ARHGAP15: variants seen among roughly 807,000 people sequenced by gnomAD.
ARHGAP15 encodes Rho GTPase activating protein 15, also known as rho GTPase-activating protein 15.
A neutral mutation model predicts 63.7 loss-of-function variants in ARHGAP15; 51 were observed. The observed-to-expected ratio is 0.80, with a 90% CI of 0.64 to 1.01. The LOEUF (loss-of-function observed/expected upper bound fraction) is 1.01. Ranked by LOEUF, ARHGAP15 falls within the 50% of genes least tolerant of loss-of-function variation. ARHGAP15 has a pLI of 0.00. For synonymous variants in ARHGAP15, 191 were observed against 193.8 expected, an observed-to-expected ratio of 0.99 and a Z score of 0.12; for missense variants, 560 against 564.6, an observed-to-expected ratio of 0.99 and a Z score of 0.08.
intron 9 of ARHGAP15, among the ~76,000 whole-genome samples, chr2:143,512,447 G>C (rs1239591661): frequency 2.0e-5 from 3 of 152,200 alleles, no homozygotes; most frequent in African/African-American, 7.2e-5. Context: ...GGGAATCTCA[G>C]GGTGTTCTTG....
intron 9 of ARHGAP15, 31 bp downstream of exon 9, chr2:143,487,526 T>A: frequency 6.3e-7 from 1 of 1,595,386 alleles, no homozygotes; most frequent in Non-Finnish European, 8.5e-7. Flanking sequence ...GTACTATAAC[T>A]GTGATAAATG....
At chr2:143,720,318 T>C (rs1205044405) in intron 13 of ARHGAP15, among the ~76,000 whole-genome samples, 1 of 152,062 alleles carries the variant, frequency 6.6e-6, no homozygotes, top group Non-Finnish European at 1.5e-5. Context: ...CTGAATGTAA[T>C]TACACAGATT....
chr2:143,545,527 CTT>C, intron 10 of ARHGAP15, among the ~76,000 whole-genome samples: 1 of 151,196 alleles, frequency 6.6e-6, no homozygotes, highest in African/African-American at 2.4e-5. Flanking sequence ...AGTTGCTACT[CTT>C]GTTAAATAAA....
intron 11 of ARHGAP15, among the ~76,000 whole-genome samples, chr2:143,578,587 T>A (rs138860925): frequency 1.3e-5 from 2 of 152,142 alleles, no homozygotes; most frequent in Admixed American, 6.6e-5. Context: ...GGGTAGTTTT[T>A]TGGTTGATAA....
intron 6 of ARHGAP15, among the ~76,000 whole-genome samples, chr2:143,346,885 T>C (rs545162916): frequency 6.3e-4 from 96 of 152,266 alleles, no homozygotes; most frequent in African/African-American, 2.3e-3. Context: ...AAATGATGTA[T>C]GTTTCTTACA....
chr2:143,216,230 G>T (rs1692750876), intron 3 of ARHGAP15, among the ~76,000 whole-genome samples, 154 bp from the exon 4 acceptor site: 1 of 152,116 alleles, frequency 6.6e-6, no homozygotes, highest in Admixed American at 6.6e-5. Flanking sequence ...CTATGATTTT[G>T]CAGGCACTTC....
At chr2:143,542,814 GAT>G (rs1184146919) in intron 10 of ARHGAP15, among the ~76,000 whole-genome samples, 17 of 112,624 alleles carry the variant, frequency 1.5e-4, no homozygotes, top group African/African-American at 4.9e-4. Flanking sequence ...GTATATATAT[GAT>G]ATATATAATA....
chr2:143,490,725 A>G (rs893233042), intron 9 of ARHGAP15, among the ~76,000 whole-genome samples: 12 of 151,970 alleles, frequency 7.9e-5, no homozygotes, highest in African/African-American at 2.7e-4. Flanking sequence ...GGTTCTAGTG[A>G]TTCTCATGCT....
intron 8 of ARHGAP15, among the ~76,000 whole-genome samples, chr2:143,439,265 A>T (rs1689755346): frequency 6.6e-6 from 1 of 151,700 alleles, no homozygotes; most frequent in South Asian, 2.1e-4. Flanking sequence ...TCTACTAAAA[A>T]TACAAAAATT....
At chr2:143,606,060 A>AAAAAAC (rs1698009715) in intron 11 of ARHGAP15, among the ~76,000 whole-genome samples, 1 of 84,636 alleles carries the variant, frequency 1.2e-5, no homozygotes, top group Non-Finnish European at 2.7e-5. Flanking sequence ...AAAAAAAAAA[A>AAAAAAC]AAAAAAAAAA....
chr2:143,702,833 T>G (rs1214973250), intron 12 of ARHGAP15, among the ~76,000 whole-genome samples: 3 of 152,180 alleles, frequency 2.0e-5, no homozygotes, highest in African/African-American at 7.2e-5. Flanking sequence ...CTGACTCTCA[T>G]TCTCCTGTTT....
chr2:143,449,587 T>C (rs1690303843), intron 8 of ARHGAP15, among the ~76,000 whole-genome samples: 2 of 152,076 alleles, frequency 1.3e-5, no homozygotes, highest in African/African-American at 4.8e-5. Context: ...GTTTATTTGC[T>C]GCACCTGCCA....
intron 13 of ARHGAP15, among the ~76,000 whole-genome samples, chr2:143,764,716 C>G (rs992526395): frequency 8.5e-5 from 13 of 152,108 alleles, no homozygotes; most frequent in Non-Finnish European, 1.5e-4. Context: ...TTAGCCTCAC[C>G]TTTGTGGGTC....
At chr2:143,278,200 C>T (rs1574200447) in intron 6 of ARHGAP15, among the ~76,000 whole-genome samples, 1 of 152,154 alleles carries the variant, frequency 6.6e-6, no homozygotes, top group African/African-American at 2.4e-5. Context: ...TTCTCTCACT[C>T]ACGGCTGCAT....
chr2:143,209,062 T>G (rs1416323731), intron 3 of ARHGAP15, among the ~76,000 whole-genome samples: 1 of 152,096 alleles, frequency 6.6e-6, no homozygotes, highest in Non-Finnish European at 1.5e-5. Flanking sequence ...TTAATAGTAG[T>G]GAGGGCTTTG....
chr2:143,535,983 A>G (rs1279297638), intron 10 of ARHGAP15, among the ~76,000 whole-genome samples: 8 of 152,232 alleles, frequency 5.3e-5, no homozygotes, highest in African/African-American at 1.7e-4. Flanking sequence ...GTTTTAAAGT[A>G]TATAGATATT....
chr2:143,500,553 T>G (rs1693011081), intron 9 of ARHGAP15, among the ~76,000 whole-genome samples: 1 of 152,192 alleles, frequency 6.6e-6, no homozygotes, highest in African/African-American at 2.4e-5. Flanking sequence ...AATCAAATTA[T>G]GAAGGATGCT....
chr2:143,720,612 G>A (rs1400254606), intron 13 of ARHGAP15, among the ~76,000 whole-genome samples: 1 of 152,150 alleles, frequency 6.6e-6, no homozygotes, highest in African/African-American at 2.4e-5. Flanking sequence ...ATGAATGAGG[G>A]CATCGAGGGG....
At chr2:143,228,772 C>T (rs148893817) in intron 5 of ARHGAP15, 104 bp downstream of exon 5, 6 of 711,572 alleles carry the variant, frequency 8.4e-6, no homozygotes, top group East Asian at 5.9e-5. Context: ...AAGCTACCAA[C>T]ATCTGAAAAC....
Sources: gnomAD v4.1 joint callset for allele counts (sites outside exome capture counted in the v4.1 genomes callset) on GRCh38, gnomAD v4.1.1 for gene constraint, MANE v1.5 for transcripts, NCBI Gene and HGNC (gene_info 2026-07-23, HGNC 2026-07-21) for gene names.